Variants in ABCB1 observed in about 807,000 individuals in gnomAD.
ABCB1 encodes the protein ATP binding cassette subfamily B member 1.
A neutral mutation model predicts 142.0 loss-of-function variants in ABCB1; 69 were observed. That is an observed-to-expected ratio of 0.49 (90% CI 0.40 to 0.59). The LOEUF is 0.59. Ranked by LOEUF, ABCB1 falls within the 20% of genes least tolerant of loss-of-function variation. The pLI, the probability that ABCB1 is intolerant of heterozygous loss-of-function variation, is 0.00. For synonymous variants in ABCB1, 532 were observed against 539.2 expected, an observed-to-expected ratio of 0.99 and a Z score of 0.18; for missense variants, 1,326 against 1,554.7, an observed-to-expected ratio of 0.85 and a Z score of 2.47.
intron 1 of ABCB1, chr7:87,628,725 G>C: frequency 1.4e-6 from 1 of 708,664 alleles, no homozygotes; most frequent in Non-Finnish European, 2.0e-6. Context: ...CATCCTTCCC[G>C]CGCCCCCACG....
chr7:87,546,510 C>T (rs1043108759), intron 14 of ABCB1, among the ~76,000 whole-genome samples: 2 of 151,062 alleles, frequency 1.3e-5, no homozygotes, highest in African/African-American at 2.4e-5. Context: ...GAGCCAAGAT[C>T]GCACCACTGC....
At chr7:87,658,710 G>C (rs1445985548) in intron 1 of ABCB1, among the ~76,000 whole-genome samples, 1 of 152,170 alleles carries the variant, frequency 6.6e-6, no homozygotes, top group Non-Finnish European at 1.5e-5. Flanking sequence ...AGGCCAGGAG[G>C]AAGTGGTAAA....
At chr7:87,580,780 C>G (rs931225741) in intron 4 of ABCB1, among the ~76,000 whole-genome samples, 4 of 151,916 alleles carry the variant, frequency 2.6e-5, no homozygotes, top group African/African-American at 9.7e-5. Flanking sequence ...TTTCAAATAG[C>G]CTGTCTTCAA....
chr7:87,640,271 T>C (rs1451212291), intron 1 of ABCB1, among the ~76,000 whole-genome samples: 1 of 151,584 alleles, frequency 6.6e-6, no homozygotes, highest in Non-Finnish European at 1.5e-5. Flanking sequence ...AATACACATT[T>C]ATATTTATCC....
At chr7:87,649,637 C>T (rs575161658) in intron 1 of ABCB1, among the ~76,000 whole-genome samples, 6 of 152,230 alleles carry the variant, frequency 3.9e-5, no homozygotes, top group African/African-American at 1.2e-4. Flanking sequence ...AAATATAGTA[C>T]ACTTTACAGA....
intron 1 of ABCB1, among the ~76,000 whole-genome samples, chr7:87,695,986 A>G (rs1828460299): frequency 6.6e-6 from 1 of 152,126 alleles, no homozygotes; most frequent in Non-Finnish European, 1.5e-5. Flanking sequence ...CTGGTCAGTA[A>G]CAGATTGTCT....
chr7:87,625,982 A>G (rs978060223), intron 1 of ABCB1, among the ~76,000 whole-genome samples: 3 of 146,886 alleles, frequency 2.0e-5, no homozygotes, highest in East Asian at 3.9e-4. Flanking sequence ...ATATATATAT[A>G]TATATGTACA....
At chr7:87,607,123 C>T (rs1423295551) in intron 1 of ABCB1, among the ~76,000 whole-genome samples, 2 of 152,042 alleles carry the variant, frequency 1.3e-5, no homozygotes, top group African/African-American at 4.8e-5. Flanking sequence ...ACATGGGAGG[C>T]TGAAATAACT....
chr7:87,595,952 GA>G, intron 2 of ABCB1, 138 bp from the exon 3 acceptor site: 1 of 681,978 alleles, frequency 1.5e-6, no homozygotes, highest in Admixed American at 2.7e-5. Context: ...AAAACAGGAT[GA>G]TAATAGTATG....
intron 7 of ABCB1, among the ~76,000 whole-genome samples, chr7:87,562,645 G>A (rs994683657): frequency 6.6e-5 from 10 of 151,394 alleles, no homozygotes; most frequent in South Asian, 4.2e-4. Context: ...ACACCACAAT[G>A]AATTCTACAA....
intron 3 of ABCB1, among the ~76,000 whole-genome samples, chr7:87,595,429 C>G (rs1819159967): frequency 6.6e-6 from 1 of 151,982 alleles, no homozygotes; most frequent in Non-Finnish European, 1.5e-5. Flanking sequence ...ACCTAAAAAA[C>G]CTGCCAAATT....
intron 1 of ABCB1, among the ~76,000 whole-genome samples, chr7:87,649,901 C>A (rs1823406431): frequency 6.6e-6 from 1 of 152,142 alleles, no homozygotes; most frequent in South Asian, 2.1e-4. Context: ...TGCGTGCTGC[C>A]ATGTAAGACA....
At chr7:87,704,865 G>C (rs1829450041) in intron 1 of ABCB1, among the ~76,000 whole-genome samples, 1 of 152,168 alleles carries the variant, frequency 6.6e-6, no homozygotes, top group Non-Finnish European at 1.5e-5. Context: ...CACGTCTCTG[G>C]ATTGAAGGAT....
intron 1 of ABCB1, chr7:87,628,744 C>G: frequency 7.8e-6 from 7 of 900,240 alleles, no homozygotes; most frequent in Non-Finnish European, 8.9e-6. Context: ...CGGTTGCGGA[C>G]CGAGCGAGAA....
rs572080437 is a variant in ABCB1, at chr7:87,573,770, C to T, written c.287-3547G>A. 4.8e-4 allele frequency among the ~76,000 whole-genome samples: 73 copies of T among 152,200 alleles called. 1 individual carries two copies. In the South Asian group the frequency reaches 6.2e-3, roughly 13 times the overall value. On this transcript the variant is annotated intron_variant, in intron 4 of 27. Coordinates refer to ENST00000622132, the MANE Select transcript of ABCB1 (RefSeq NM_001348946.2). ...AATGATTTACCAGATATTTCCTTTA[C>T]CCCCACACCTATCTCCTCATTTCAG...
chr7:87,669,427 C>T lies in ABCB1; in HGVS notation c.-331+43734G>A, dbSNP rs542230714. On this transcript the variant is annotated intron_variant, in intron 1 of 28. Coordinates refer to the ABCB1 transcript ENST00000265724. ...TACCATTGGGTCTTGCTTTTTTATC[C>T]AGCTTCTCACTGTGCCTTTTAAGTG... 7.2e-5 allele frequency among the ~76,000 whole-genome samples: 11 copies of T among 152,070 alleles called. 1 individual carries two copies. The South Asian group carries it at 2.1e-3, about 29-fold the overall frequency.
intron 21 of ABCB1, among the ~76,000 whole-genome samples, chr7:87,522,678 AT>A (rs1359809533): frequency 7.2e-5 from 11 of 152,026 alleles, no homozygotes; most frequent in Non-Finnish European, 1.5e-4. Context: ...TTTAATGTAG[AT>A]TTTTTTTGGC....
At chr7:87,521,332 G>A (rs1815495895) in intron 21 of ABCB1, 2 of 426,384 alleles carry the variant, frequency 4.7e-6, no homozygotes, top group African/African-American at 2.0e-5. Context: ...GTGAAAGAAT[G>A]CAGGCAATAA....
chr7:87,697,420 A>C (rs1828586636), intron 1 of ABCB1, among the ~76,000 whole-genome samples: 1 of 152,218 alleles, frequency 6.6e-6, no homozygotes, highest in Admixed American at 6.5e-5. Flanking sequence ...GAAATTATAG[A>C]ATGATCCCAG....
Sources: allele counts gnomAD v4.1 joint callset (sites outside exome capture counted in the v4.1 genomes callset), GRCh38; gene constraint gnomAD v4.1.1; transcripts MANE v1.5; gene names NCBI Gene and HGNC (gene_info 2026-07-23, HGNC 2026-07-21).